ATIC: variants seen among roughly 807,000 people sequenced by gnomAD.
ATIC encodes the protein 5-aminoimidazole-4-carboxamide ribonucleotide formyltransferase/IMP cyclohydrolase.
In ATIC, 64 loss-of-function variants were observed where a neutral mutation model predicts 72.5. The observed-to-expected ratio is 0.88, with a 90% CI of 0.72 to 1.09. The LOEUF (loss-of-function observed/expected upper bound fraction) is 1.09. Ranked by LOEUF, ATIC falls within the 50% of genes least tolerant of loss-of-function variation. The probability of loss-of-function intolerance (pLI) is 0.00; values close to 1 mark genes in which losing one functional copy is unlikely to be tolerated. For synonymous variants in ATIC, 281 were observed against 267.1 expected (o/e 1.05, Z -0.51); for missense variants, 787 against 732.4 (o/e 1.07, Z -0.86).
At chr2:215,332,724 T>G (rs909704443) in intron 8 of ATIC, among the ~76,000 whole-genome samples, 1 of 152,172 alleles carries the variant, frequency 6.6e-6, no homozygotes, top group African/African-American at 2.4e-5. Flanking sequence ...GGAATTTGTT[T>G]GTGGGGTGGA....
chr2:215,312,490 T>C lies in ATIC; in HGVS notation c.20-8T>C. On this transcript the variant is annotated splice_region_variant and splice_polypyrimidine_tract_variant and intron_variant, in intron 1 of 15. Coordinates refer to ENST00000236959, the MANE Select transcript of ATIC (RefSeq NM_004044.7). ...GCGAATCATGAGAAAAAATGTCTTC[T>C]CTTTCAGCCTTATTTAGTGTCTCTG... The C allele has an allele frequency of 6.2e-7, 1 of 1,614,216 alleles. No individual in the cohort carries two copies. The highest frequency in any genetic ancestry group is 8.5e-7 in the Non-Finnish European group (1 of 1,180,028).
At chr2:215,324,438 G>A (rs1242206044) in intron 4 of ATIC, among the ~76,000 whole-genome samples, 1 of 152,144 alleles carries the variant, frequency 6.6e-6, no homozygotes, top group Non-Finnish European at 1.5e-5. Flanking sequence ...TTTGTTGAGA[G>A]TTTTTGTGTG....
downstream of ATIC, among the ~76,000 whole-genome samples, chr2:215,354,615 T>C (rs1290635824): frequency 2.0e-5 from 3 of 152,140 alleles, no homozygotes; most frequent in Non-Finnish European, 4.4e-5. Flanking sequence ...AATTTTCTCA[T>C]GAATTCCTAC....
chr2:215,361,871 TTAA>T, the ATIC span: 11 of 1,483,196 alleles, frequency 7.4e-6, no homozygotes, highest in Non-Finnish European at 9.1e-6. Context: ...GTTTTTTTTT[TTAA>T]TTAATTAAAA....
chr2:215,325,425 A>G (rs2052812528), intron 5 of ATIC, 96 bp downstream of exon 5: 2 of 876,512 alleles, frequency 2.3e-6, no homozygotes, highest in Admixed American at 2.0e-5. Flanking sequence ...GGAAATAGAA[A>G]GAAAATAGCT....
At chr2:215,325,876 A>AT (rs1322118576) in intron 5 of ATIC, 111 bp from the exon 6 acceptor site, 2 of 1,385,990 alleles carry the variant, frequency 1.4e-6, no homozygotes, top group Admixed American at 3.8e-5. Context: ...TATTTTCCTG[A>AT]TTTTTAAGTC....
Position 215,317,080 on chromosome 2 carries a change from T to C in ATIC, c.147-1077T>C, listed in dbSNP as rs575095923. 5.6e-4 allele frequency among the ~76,000 whole-genome samples: 85 copies of C among 152,262 alleles called. No individual in the cohort carries two copies. The South Asian group carries it at 0.016, about 29-fold the overall frequency. On this transcript the variant is annotated intron_variant, in intron 2 of 15. Transcript: ENST00000236959. ...ACCTGGCCCCTGCTTTATTTTTTCT[T>C]ATATATTGTGGGCATTTTTACACAC... is the stretch of plus-strand genomic sequence containing the variant.
chr2:215,320,977 C>A (rs1207290167), intron 4 of ATIC, among the ~76,000 whole-genome samples: 1 of 152,196 alleles, frequency 6.6e-6, no homozygotes, highest in Non-Finnish European at 1.5e-5. Flanking sequence ...TCCCCCGTGA[C>A]CCAATCATCT....
chr2:215,352,330 C>T (rs2053136486), downstream of ATIC, among the ~76,000 whole-genome samples: 1 of 152,078 alleles, frequency 6.6e-6, no homozygotes, highest in African/African-American at 2.4e-5. Context: ...ACCTGTAATC[C>T]CAGCACTTTG....
intron 5 of ATIC, 62 bp from the exon 6 acceptor site, chr2:215,325,925 T>A: frequency 1.3e-6 from 2 of 1,580,776 alleles, no homozygotes; most frequent in South Asian, 2.2e-5. Context: ...TGACTTTATT[T>A]AAAAGCGGTT....
chr2:215,341,590 C>T (rs1277400431), intron 12 of ATIC, among the ~76,000 whole-genome samples: 1 of 152,158 alleles, frequency 6.6e-6, no homozygotes, highest in East Asian at 1.9e-4. Flanking sequence ...GTTAACATTC[C>T]AGCCTCAGAA....
At chr2:215,352,846 C>T (rs955884853), downstream of ATIC, among the ~76,000 whole-genome samples, 1 of 138,972 alleles carries the variant, frequency 7.2e-6, no homozygotes, top group South Asian at 2.6e-4. Flanking sequence ...TTCTTGCAGT[C>T]GATTGACTGA....
intron 12 of ATIC, among the ~76,000 whole-genome samples, chr2:215,341,612 G>A (rs1403770317): frequency 6.6e-6 from 1 of 152,158 alleles, no homozygotes; most frequent in Admixed American, 6.5e-5. Context: ...TATTAGGTCT[G>A]GAACCATTTC....
At chr2:215,359,875 AACT>A in the ATIC span, among the ~76,000 whole-genome samples, 2 of 152,264 alleles carry the variant, frequency 1.3e-5, no homozygotes, top group African/African-American at 4.8e-5. Context: ...GTTTATTATG[AACT>A]ACTAATTTTT....
At chr2:215,368,079 G>T in the ATIC span, 1 of 1,578,966 alleles carries the variant, frequency 6.3e-7, no homozygotes, top group Non-Finnish European at 8.7e-7. Flanking sequence ...TAATCGATTT[G>T]GACCATAAGA....
At chr2:215,351,395 G>A (rs1329855596), downstream of ATIC, among the ~76,000 whole-genome samples, 2 of 152,172 alleles carry the variant, frequency 1.3e-5, no homozygotes, top group Non-Finnish European at 2.9e-5. Context: ...TACAGATTTT[G>A]GCTTGTAAAT....
chr2:215,353,043 A>C (rs569045046), downstream of ATIC, among the ~76,000 whole-genome samples: 1 of 152,140 alleles, frequency 6.6e-6, no homozygotes, highest in South Asian at 2.1e-4. Flanking sequence ...GAGTTTTCCA[A>C]TTTCTTCCTG....
At chr2:215,315,167 T>C (rs891694728) in intron 2 of ATIC, among the ~76,000 whole-genome samples, 2 of 152,144 alleles carry the variant, frequency 1.3e-5, no homozygotes, top group Non-Finnish European at 2.9e-5. Flanking sequence ...GGCAAGGAGA[T>C]GAGAGGATTT....
At chr2:215,335,799 C>T (rs1028026380) in intron 10 of ATIC, among the ~76,000 whole-genome samples, 3 of 152,186 alleles carry the variant, frequency 2.0e-5, no homozygotes, top group African/African-American at 7.2e-5. Flanking sequence ...GTCATATTTT[C>T]TTAGTTTAAA....
Sources: gnomAD v4.1 joint callset for allele counts (sites outside exome capture counted in the v4.1 genomes callset) on GRCh38, gnomAD v4.1.1 for gene constraint, MANE v1.5 for transcripts, NCBI Gene and HGNC (gene_info 2026-07-23, HGNC 2026-07-21) for gene names.